Variants in TMEM229B observed in about 807,000 individuals in gnomAD.
TMEM229B encodes chromosome 14 open reading frame 83.
TMEM229B carries 6 observed loss-of-function variants against 13.7 expected under a neutral mutation model. The ratio of observed to expected loss-of-function variants is 0.44; its 90% CI spans 0.24 to 0.86. The LOEUF is 0.86. Among genes scored for constraint, TMEM229B ranks in the 40% least tolerant of loss-of-function variants. The pLI is 0.23. For missense variants in TMEM229B, 170 were observed against 236.0 expected, an observed-to-expected ratio of 0.72 and a Z score of 1.83; for synonymous variants, 107 against 102.1, an observed-to-expected ratio of 1.05 and a Z score of -0.29.
intron 1 of TMEM229B, among the ~76,000 whole-genome samples, chr14:67,525,733 G>A (rs1415206506): frequency 6.6e-6 from 1 of 152,168 alleles, no homozygotes; most frequent in Non-Finnish European, 1.5e-5. Flanking sequence ...TTTACAGAAA[G>A]TTACTTTGAG....
Position 67,473,378 on chromosome 14 carries a change from G to A in TMEM229B, c.*42C>T. ...TCACCAGCTTGGTCTCTTTGTCCATGAGTTCCATGAGAGATCCCCAGGCCC... is the reference window on the plus strand; with the variant it reads ...TCACCAGCTTGGTCTCTTTGTCCATAAGTTCCATGAGAGATCCCCAGGCCC... On this transcript the variant is annotated 3_prime_UTR_variant, in exon 3 of 3. Coordinates refer to ENST00000554480, the MANE Select transcript of TMEM229B (RefSeq NM_001348543.2). This position sits in a 1 kb window ranked among gnomAD's most constrained non-coding sequence, Gnocchi z 6.5. The A allele has an allele frequency of 6.3e-7, 1 of 1,595,626 alleles. No individual in the cohort carries two copies. Among genetic ancestry groups the A allele is most frequent in the South Asian group, 1.1e-5 (1 of 87,798 alleles).
chr14:67,514,674 C>G, intron 1 of TMEM229B, among the ~76,000 whole-genome samples: 1 of 152,176 alleles, frequency 6.6e-6, no homozygotes, highest in East Asian at 1.9e-4. Context: ...GACTGTCACC[C>G]CCCTCCACCC....
upstream of TMEM229B, among the ~76,000 whole-genome samples, chr14:67,489,866 T>C (rs1318105724): frequency 6.6e-6 from 1 of 152,130 alleles, no homozygotes; most frequent in African/African-American, 2.4e-5. Context: ...GGTGGGCACC[T>C]GTAGTCCCAG....
chr14:67,476,610 A>C (rs1482603771), intron 2 of TMEM229B, among the ~76,000 whole-genome samples: 1 of 152,168 alleles, frequency 6.6e-6, no homozygotes, highest in Non-Finnish European at 1.5e-5. Flanking sequence ...TATAAATAAA[A>C]TAAAAAAGAT....
intron 1 of TMEM229B, among the ~76,000 whole-genome samples, chr14:67,532,636 T>G (rs2033501115): frequency 1.3e-5 from 2 of 152,162 alleles, no homozygotes; most frequent in African/African-American, 2.4e-5. Context: ...GAAGATCACT[T>G]GAGCTCCGGA....
rs1380681471 is a variant in TMEM229B at position 67,473,193 on chromosome 14, G to T, written c.*227C>A. 1.7e-6 allele frequency: 1 copy of T among 592,430 alleles called. No homozygotes were observed. Among genetic ancestry groups the T allele is most frequent in the Non-Finnish European group, 2.9e-6 (1 of 341,264 alleles). The allele number at this position is 592,430 out of a possible 1,614,324, so 36.7% of individuals were successfully genotyped here. A position where few individuals can be genotyped will look rare whatever the true frequency, so the allele number is the denominator to read the frequency against. ...ACCCCTGAACTGGGCCGCGATCCATGGACCCTTCCCAATGTCCCTCTGCTG... is the reference window on the plus strand; with the variant it reads ...ACCCCTGAACTGGGCCGCGATCCATTGACCCTTCCCAATGTCCCTCTGCTG... On this transcript the variant is annotated 3_prime_UTR_variant, in exon 3 of 3. Transcript: ENST00000554480. This position sits in a 1 kb window ranked among gnomAD's most constrained non-coding sequence, Gnocchi z 6.5.
upstream of TMEM229B, among the ~76,000 whole-genome samples, chr14:67,516,715 C>T (rs1427164504): frequency 3.9e-5 from 6 of 152,228 alleles, no homozygotes; most frequent in Non-Finnish European, 5.9e-5. Flanking sequence ...CCTCTCAAAG[C>T]TGGGAGTAGG....
chr14:67,512,407 A>G (rs1055357991), intron 1 of TMEM229B, among the ~76,000 whole-genome samples: 2 of 152,248 alleles, frequency 1.3e-5, no homozygotes, highest in Admixed American at 6.5e-5. Flanking sequence ...TTCCCTCCTT[A>G]GCCAGGTGTT....
chr14:67,528,248 A>G (rs1397778556), intron 1 of TMEM229B, among the ~76,000 whole-genome samples: 4 of 152,198 alleles, frequency 2.6e-5, no homozygotes, highest in Admixed American at 2.6e-4. Flanking sequence ...CAAAGCTGGA[A>G]TTTGAACTCT....
At chr14:67,506,204 C>T (rs970753241) in intron 1 of TMEM229B, among the ~76,000 whole-genome samples, 2 of 151,922 alleles carry the variant, frequency 1.3e-5, no homozygotes, top group Non-Finnish European at 2.9e-5. Context: ...TAGTTTTTTC[C>T]ATGGGACTCT....
chr14:67,498,929 A>C (rs1029848318), intron 1 of TMEM229B, among the ~76,000 whole-genome samples: 1 of 152,210 alleles, frequency 6.6e-6, no homozygotes, highest in Non-Finnish European at 1.5e-5. Context: ...TTGGCCTCCC[A>C]AAATGCTGGG....
chr14:67,513,438 C>A (rs2033093809), intron 1 of TMEM229B, among the ~76,000 whole-genome samples: 2 of 152,200 alleles, frequency 1.3e-5, no homozygotes, highest in South Asian at 4.1e-4. Context: ...TCCTGCTACT[C>A]CTTATTGGTC....
At chr14:67,521,367 T>TG (rs1325649228) in intron 1 of TMEM229B, among the ~76,000 whole-genome samples, 2 of 152,080 alleles carry the variant, frequency 1.3e-5, no homozygotes, top group African/African-American at 4.8e-5. Context: ...CACAGAGGGA[T>TG]GGAAAGGGGT....
At chr14:67,483,529 GT>G (rs1455970844) in intron 2 of TMEM229B, among the ~76,000 whole-genome samples, 68 of 152,318 alleles carry the variant, frequency 4.5e-4, no homozygotes, top group African/African-American at 1.6e-3. Flanking sequence ...GAACTTCTAG[GT>G]GGTTCATTAA....
chr14:67,486,280 T>A (rs2031873899), intron 2 of TMEM229B, among the ~76,000 whole-genome samples: 1 of 152,194 alleles, frequency 6.6e-6, no homozygotes, highest in Non-Finnish European at 1.5e-5. Flanking sequence ...TGGGTTTTTG[T>A]TTTGTTTTGT....
At position 67,472,402 on chromosome 14, in the gene TMEM229B, C is replaced by T. The variant is rs2030800136; in HGVS notation, c.*1018G>A. On this transcript the variant is annotated 3_prime_UTR_variant, in exon 3 of 3. Coordinates refer to ENST00000554480, the MANE Select transcript of TMEM229B (RefSeq NM_001348543.2). Reference sequence around the variant, plus strand: ...CTCTGGCTTTTCCCCACCAAACTGACTTGCCTCTAGGTCCCCACTGTGGAT... The same window carrying T: ...CTCTGGCTTTTCCCCACCAAACTGATTTGCCTCTAGGTCCCCACTGTGGAT... 1 of 152,404 alleles carries T rather than the reference C, an allele frequency of 6.6e-6. No homozygotes were observed. The highest frequency in any genetic ancestry group is 2.1e-4 in the South Asian group (1 of 4,836). The allele number at this position is 152,404 out of a possible 1,614,324, so 9.4% of individuals were successfully genotyped here. A position where few individuals can be genotyped will look rare whatever the true frequency, so the allele number is the denominator to read the frequency against.
rs557032776 is a variant in TMEM229B at position 67,509,326 on chromosome 14, T to C, written c.-192+5760A>G. On this transcript the variant is annotated intron_variant, in intron 1 of 2. Coordinates refer to the TMEM229B transcript ENST00000357461. ...TGTTTAATCCACATCAACTCTCTCT[T>C]TTTTTTTTTGAGACGGAGTTTCACT... 6.9e-4 allele frequency among the ~76,000 whole-genome samples: 16 copies of C among 23,124 alleles called. No homozygotes were observed. The East Asian group carries it at 0.011, about 16-fold the overall frequency. The allele number at this position is 23,124 out of a possible 152,430, so 15.2% of individuals were successfully genotyped here.
chr14:67,488,265 T>C (rs2031991262), intron 1 of TMEM229B, among the ~76,000 whole-genome samples: 1 of 152,240 alleles, frequency 6.6e-6, no homozygotes. Flanking sequence ...AGAGGCCGCT[T>C]GGGCCCTTGC....
At chr14:67,494,996 C>T (rs2032311327) in intron 1 of TMEM229B, among the ~76,000 whole-genome samples, 1 of 152,164 alleles carries the variant, frequency 6.6e-6, no homozygotes, top group African/African-American at 2.4e-5. Context: ...ATGTTAATCA[C>T]AGGTGAATCT....
Sources: allele counts gnomAD v4.1 joint callset (sites outside exome capture counted in the v4.1 genomes callset), GRCh38; gene constraint gnomAD v4.1.1; non-coding constraint Gnocchi (gnomAD v3.1); transcripts MANE v1.5; gene names NCBI Gene and HGNC (gene_info 2026-07-23, HGNC 2026-07-21).